Variants in HDAC9 observed in about 807,000 individuals in gnomAD.
The protein encoded by HDAC9 is histone deacetylase 9.
In HDAC9, 41 loss-of-function variants were observed where a neutral mutation model predicts 139.4. That is an observed-to-expected ratio of 0.29 (90% CI 0.23 to 0.38). HDAC9 has a LOEUF of 0.38. Among genes scored for constraint, HDAC9 ranks in the 10% least tolerant of loss-of-function variants. The pLI is 1.00. For missense variants in HDAC9, 1,147 were observed against 1,297.0 expected (o/e 0.88, Z 1.78); for synonymous variants, 517 against 476.2 (o/e 1.09, Z -1.12).
intron 12 of HDAC9, among the ~76,000 whole-genome samples, chr7:18,718,096 C>T (rs1784844894): frequency 6.6e-6 from 1 of 152,030 alleles, no homozygotes; most frequent in Non-Finnish European, 1.5e-5. Context: ...CATCACCGCC[C>T]AAAAGAAACT....
chr7:18,669,794 A>T (rs907771174), intron 12 of HDAC9, among the ~76,000 whole-genome samples: 1 of 151,864 alleles, frequency 6.6e-6, no homozygotes, highest in African/African-American at 2.4e-5. Context: ...ATTAGAAAAA[A>T]TAGTTATTGC....
chr7:18,453,630 T>C (rs1793083728), intron 1 of HDAC9, among the ~76,000 whole-genome samples: 1 of 152,202 alleles, frequency 6.6e-6, no homozygotes, highest in African/African-American at 2.4e-5. Flanking sequence ...TTCCCTTAAC[T>C]ATTTAGTTTA....
intron 2 of HDAC9, among the ~76,000 whole-genome samples, chr7:18,572,328 ACAAATATGACTATTTGTCATATT>A (rs1332472094): frequency 6.6e-5 from 10 of 151,046 alleles, no homozygotes; most frequent in African/African-American, 1.2e-4. Context: ...TGTCATATTC[ACAAATATGACTATTTGTCATATT>A]CAAATATGAC....
At chr7:18,401,011 C>A (rs1412094925) in intron 1 of HDAC9, among the ~76,000 whole-genome samples, 2 of 152,136 alleles carry the variant, frequency 1.3e-5, no homozygotes, top group Non-Finnish European at 2.9e-5. Context: ...TTGGGAAACT[C>A]ATCTAAATTT....
At chr7:18,294,446 T>G (rs1798010367) in intron 1 of HDAC9, among the ~76,000 whole-genome samples, 1 of 152,138 alleles carries the variant, frequency 6.6e-6, no homozygotes, top group Non-Finnish European at 1.5e-5. Context: ...GGATCAAGGA[T>G]AGTTTCTCAA....
At chr7:18,664,501 G>C (rs191083014) in intron 11 of HDAC9, among the ~76,000 whole-genome samples, 4 of 151,602 alleles carry the variant, frequency 2.6e-5, no homozygotes, top group Non-Finnish European at 2.9e-5. Flanking sequence ...ATTATCTTTC[G>C]GCATGTTCCT....
At chr7:18,406,380 TTTTC>T (rs1256739395) in intron 1 of HDAC9, among the ~76,000 whole-genome samples, 3 of 151,710 alleles carry the variant, frequency 2.0e-5, no homozygotes, top group African/African-American at 7.3e-5. Context: ...CTTTTTTTCT[TTTTC>T]TTTCTTTTTT....
chr7:18,755,038 A>G (rs1788759672), intron 14 of HDAC9, among the ~76,000 whole-genome samples: 1 of 152,004 alleles, frequency 6.6e-6, no homozygotes, highest in South Asian at 2.1e-4. Context: ...TTAGTTTGCA[A>G]AAAAAAATTT....
rs185768478 is a variant in HDAC9, at chr7:18,204,254, T to A, written c.25+41905T>A. ...TGATAATCTGTAGTTTACTTAATCA[T>A]TCCTATGGTGTTACAGACAGATTTA... On this transcript the variant is annotated intron_variant, in intron 2 of 12. Coordinates refer to the HDAC9 transcript ENST00000417496. Among the ~76,000 whole-genome samples the A allele has an allele frequency of 2.2e-3, 338 of 152,122 alleles. 4 individuals carry two copies. The highest frequency in any genetic ancestry group is 4.0e-3 in the Non-Finnish European group (275 of 67,960).
chr7:18,121,544 C>CA (rs5882646), intron 1 of HDAC9, among the ~76,000 whole-genome samples: 23,086 of 108,360 alleles, frequency 0.21, 2,253 homozygotes, highest in African/African-American at 0.37. Context: ...TAAGAATATG[C>CA]AAAAAAAAAA....
chr7:18,305,545 A>G (rs189715398), intron 1 of HDAC9, among the ~76,000 whole-genome samples: 73 of 152,234 alleles, frequency 4.8e-4, no homozygotes, highest in African/African-American at 1.6e-3. Context: ...TATGTGTCCA[A>G]AGAAACATAA....
intron 1 of HDAC9, among the ~76,000 whole-genome samples, chr7:18,467,838 C>A (rs1563017796): frequency 6.6e-6 from 1 of 152,150 alleles, no homozygotes; most frequent in Non-Finnish European, 1.5e-5. Flanking sequence ...ATCTGGTATA[C>A]AATATTGCAT....
At chr7:18,190,866 A>G (rs561066999) in intron 2 of HDAC9, among the ~76,000 whole-genome samples, 1 of 152,224 alleles carries the variant, frequency 6.6e-6, no homozygotes, top group East Asian at 1.9e-4. Flanking sequence ...TGCATGTTTT[A>G]CCTTTGTAAA....
At chr7:18,989,620 G>A (rs1241552113) in intron 25 of HDAC9, among the ~76,000 whole-genome samples, 2 of 151,412 alleles carry the variant, frequency 1.3e-5, no homozygotes, top group South Asian at 2.1e-4. Flanking sequence ...GATTGGGGAA[G>A]TTCTCCTGGA....
chr7:18,835,875 C>T (rs1273991379), intron 20 of HDAC9, 25 bp from the exon 21 acceptor site: 13 of 1,456,922 alleles, frequency 8.9e-6, no homozygotes, highest in Non-Finnish European at 1.1e-5. Flanking sequence ...TCTCTGCCCA[C>T]CGTGGTGTGT....
intron 2 of HDAC9, among the ~76,000 whole-genome samples, chr7:18,219,221 T>C (rs1346938145): frequency 6.6e-6 from 1 of 152,192 alleles, no homozygotes; most frequent in East Asian, 1.9e-4. Flanking sequence ...TAAAGGTATC[T>C]TTATCATAAT....
intron 2 of HDAC9, among the ~76,000 whole-genome samples, chr7:18,242,648 A>C (rs1300720784): frequency 1.3e-5 from 2 of 152,212 alleles, no homozygotes; most frequent in African/African-American, 2.4e-5. Context: ...TCATAGTGAC[A>C]TCAAAGTAAA....
chr7:18,591,614 G>T lies in HDAC9; in HGVS notation c.514G>T (p.Val172Leu), dbSNP rs369824636. Residue 172 changes from valine to leucine, a missense_variant, in exon 5 of 26, where the codon GTG becomes TTG. Around this residue, in one of 7 missense-constraint regions of HDAC9, gnomAD observed 79 missense variants for 65.8 expected, o/e 1.20. Coordinates refer to ENST00000686413, the MANE Select transcript of HDAC9 (RefSeq NM_178425.4). ...DTPTNGKNHSVSRHPKLWYTA... is the reference protein window; with the variant it reads ...DTPTNGKNHSLSRHPKLWYTA... ...TCCAACTAATGGAAAAAATCATTCC[G>T]TGAGCCGCCATCCCAAGCTCTGGTA... The T allele has an allele frequency of 6.2e-7, 1 of 1,613,374 alleles. No individual in the cohort carries two copies. The highest frequency in any genetic ancestry group is 1.1e-5 in the South Asian group (1 of 91,052).
chr7:18,361,219 C>G (rs1027650337), intron 1 of HDAC9, among the ~76,000 whole-genome samples: 1 of 151,970 alleles, frequency 6.6e-6, no homozygotes, highest in African/African-American at 2.4e-5. Flanking sequence ...CTGATCAAAC[C>G]TAGCAAGGAG....
Sources: allele counts gnomAD v4.1 joint callset (sites outside exome capture counted in the v4.1 genomes callset), GRCh38; gene constraint gnomAD v4.1.1; regional missense constraint gnomAD v4.1.1; transcripts MANE v1.5; gene names NCBI Gene and HGNC (gene_info 2026-07-23, HGNC 2026-07-21).